CACNA1C: variants seen among roughly 807,000 people sequenced by gnomAD.
CACNA1C encodes voltage-dependent L-type calcium channel subunit alpha-1C.
In CACNA1C, 30 loss-of-function variants were observed where a neutral mutation model predicts 229.0. The ratio of observed to expected loss-of-function variants is 0.13; its 90% confidence interval spans 0.10 to 0.18. The LOEUF is 0.18. Among genes scored for constraint, CACNA1C ranks in the 10% least tolerant of loss-of-function variants. The pLI, the probability that CACNA1C is intolerant of heterozygous loss-of-function variation, is 1.00. For synonymous variants in CACNA1C, 1,114 were observed against 1,132.5 expected, an observed-to-expected ratio of 0.98 and a Z score of 0.33; for missense variants, 1,658 against 2,845.0, an observed-to-expected ratio of 0.58 and a Z score of 9.49.
At chr12:2,058,247 T>C (rs2056027668) in intron 1 of CACNA1C, among the ~76,000 whole-genome samples, 1 of 152,246 alleles carries the variant, frequency 6.6e-6, no homozygotes, top group South Asian at 2.1e-4. Context: ...TCCCGCCTGA[T>C]ACAGCAGCTG....
intron 1 of CACNA1C, among the ~76,000 whole-genome samples, chr12:1,995,383 A>C (rs1297411094): frequency 6.6e-6 from 1 of 152,242 alleles, no homozygotes; most frequent in Non-Finnish European, 1.5e-5. Flanking sequence ...TTTTGTTGTA[A>C]ACTTCAGAAT....
chr12:2,420,572 T>G (rs563859905), intron 3 of CACNA1C, among the ~76,000 whole-genome samples: 3 of 152,314 alleles, frequency 2.0e-5, no homozygotes, highest in Admixed American at 2.0e-4. Context: ...CCCAGTCCCT[T>G]TCATTGCATC....
intron 3 of CACNA1C, among the ~76,000 whole-genome samples, chr12:2,436,121 A>G (rs1017756844): frequency 6.6e-6 from 1 of 152,150 alleles, no homozygotes; most frequent in Non-Finnish European, 1.5e-5. Flanking sequence ...CAAGATATGG[A>G]GGTGGGGAAG....
intron 3 of CACNA1C, among the ~76,000 whole-genome samples, chr12:2,231,502 G>C (rs1006413391): frequency 6.6e-6 from 1 of 152,152 alleles, no homozygotes; most frequent in Non-Finnish European, 1.5e-5. Context: ...TGGGAGGCAC[G>C]CATTACTTAA....
chr12:2,545,053 C>T (rs2099878529), intron 9 of CACNA1C, among the ~76,000 whole-genome samples: 1 of 152,142 alleles, frequency 6.6e-6, no homozygotes, highest in Non-Finnish European at 1.5e-5. Context: ...GTAAGTTTGG[C>T]TTTGGGAAGT....
chr12:2,140,861 T>A (rs530724823), intron 3 of CACNA1C, among the ~76,000 whole-genome samples: 9 of 151,340 alleles, frequency 5.9e-5, no homozygotes, highest in Non-Finnish European at 1.3e-4. Flanking sequence ...TGCCAGCCAA[T>A]AAACAACTGG....
chr12:2,446,447 A>G (rs1247361508), intron 3 of CACNA1C, among the ~76,000 whole-genome samples: 2 of 36,760 alleles, frequency 5.4e-5, no homozygotes, highest in Admixed American at 4.0e-4. Flanking sequence ...TGGATAGAAG[A>G]ATGGGTGAGT....
chr12:2,148,476 C>A (rs1233136180), intron 3 of CACNA1C, among the ~76,000 whole-genome samples: 1 of 151,238 alleles, frequency 6.6e-6, no homozygotes, highest in Non-Finnish European at 1.5e-5. Context: ...CTCTAGCTGC[C>A]ATTTACTTTG....
At chr12:2,550,983 A>G (rs934867791) in intron 10 of CACNA1C, among the ~76,000 whole-genome samples, 20 of 152,316 alleles carry the variant, frequency 1.3e-4, no homozygotes, top group Middle Eastern at 3.4e-3. Context: ...GGAAGCAATT[A>G]TTGTCAAAAT....
chr12:2,595,680 A>G lies in CACNA1C; in HGVS notation c.2664-194A>G, dbSNP rs2067799478. 6.6e-6 allele frequency among the ~76,000 whole-genome samples: 1 copy of G among 152,168 alleles called. No homozygotes were observed. Among genetic ancestry groups the G allele is most frequent in the African/African-American group, 2.4e-5 (1 of 41,436 alleles). On this transcript the variant is annotated intron_variant, in intron 19 of 46. Transcript: ENST00000399655. This position sits in a 1 kb window ranked among gnomAD's most constrained non-coding sequence, Gnocchi z 4.1. ...AACCTTCTAAAATATCAAAGATGAT[A>G]TGTGCACCATGGGGGTGAGCAGTTG...
intron 18 of CACNA1C, among the ~76,000 whole-genome samples, chr12:2,591,686 G>C (rs938690965): frequency 6.6e-6 from 1 of 152,228 alleles, no homozygotes; most frequent in Non-Finnish European, 1.5e-5. Flanking sequence ...CAGTGAGCTT[G>C]TCAGCTCACT....
intron 3 of CACNA1C, among the ~76,000 whole-genome samples, chr12:2,347,323 T>C (rs1293661986): frequency 1.3e-5 from 2 of 152,236 alleles, no homozygotes; most frequent in Admixed American, 1.3e-4. Flanking sequence ...GATCATACGG[T>C]TTACATTTGC....
chr12:2,235,185 A>G (rs1027150216), intron 3 of CACNA1C, among the ~76,000 whole-genome samples: 1 of 152,130 alleles, frequency 6.6e-6, no homozygotes, highest in Non-Finnish European at 1.5e-5. Context: ...GAGAGTAAAC[A>G]CTGTCTGTGG....
chr12:2,478,253 T>A (rs926778229), intron 5 of CACNA1C, among the ~76,000 whole-genome samples: 1 of 152,182 alleles, frequency 6.6e-6, no homozygotes, highest in African/African-American at 2.4e-5. Context: ...AGGAATATTA[T>A]CACTGAGGAT....
intron 43 of CACNA1C, among the ~76,000 whole-genome samples, chr12:2,685,333 C>G (rs1453995715): frequency 1.3e-5 from 2 of 150,824 alleles, no homozygotes; most frequent in Non-Finnish European, 2.9e-5. Context: ...GGGGGACGGG[C>G]ATAAGTTTGG....
At chr12:2,234,222 T>C (rs1313230932) in intron 3 of CACNA1C, among the ~76,000 whole-genome samples, 1 of 152,220 alleles carries the variant, frequency 6.6e-6, no homozygotes, top group Admixed American at 6.5e-5. Context: ...TGAAAACTCA[T>C]GCTGAGGCTG....
intron 3 of CACNA1C, among the ~76,000 whole-genome samples, chr12:2,250,879 T>C (rs1453609705): frequency 6.6e-6 from 1 of 152,218 alleles, no homozygotes; most frequent in Non-Finnish European, 1.5e-5. Flanking sequence ...CTTGAAGCTG[T>C]CCTCTCCCTA....
At chr12:2,623,965 G>T (rs1298293280) in intron 29 of CACNA1C, among the ~76,000 whole-genome samples, 1 of 152,212 alleles carries the variant, frequency 6.6e-6, no homozygotes, top group Non-Finnish European at 1.5e-5. Context: ...GCAGGACTTA[G>T]CAGCATGGCC....
Position 2,677,356 on chromosome 12 carries a change from A to T in CACNA1C, c.4956+135A>T. On this transcript the variant is annotated intron_variant, in intron 40 of 46. Coordinates refer to ENST00000399655, the MANE Select transcript of CACNA1C (RefSeq NM_000719.7). The surrounding 1 kb of genome is among the most constrained non-coding windows in gnomAD (Gnocchi z 7.4). ...GAGGGAACCTTTCAGAGAGCTCCAGACCTTTCCAAAGATGGCTGTGAGAAG... is the reference window on the plus strand; with the variant it reads ...GAGGGAACCTTTCAGAGAGCTCCAGTCCTTTCCAAAGATGGCTGTGAGAAG... 2 of 984,460 alleles carry T rather than the reference A, an allele frequency of 2.0e-6. No homozygotes were observed. The highest frequency in any genetic ancestry group is 2.9e-6 in the Non-Finnish European group (2 of 682,648). 61.0% of individuals were successfully genotyped at this position (984,460 alleles called of 1,614,324 possible).
Sources: allele counts gnomAD v4.1 joint callset (sites outside exome capture counted in the v4.1 genomes callset), GRCh38; gene constraint gnomAD v4.1.1; non-coding constraint Gnocchi (gnomAD v3.1); transcripts MANE v1.5; gene names NCBI Gene and HGNC (gene_info 2026-07-23, HGNC 2026-07-21).